Variants in EYS observed in about 807,000 individuals in gnomAD.
EYS encodes protein eyes shut homolog.
EYS carries 250 observed loss-of-function variants against 282.1 expected under a neutral mutation model. The ratio of observed to expected loss-of-function variants is 0.89; its 90% CI spans 0.80 to 0.98. The LOEUF (loss-of-function observed/expected upper bound fraction) is 0.98, where lower values mean the gene tolerates loss of function less well. Ranked by LOEUF, EYS falls within the 50% of genes least tolerant of loss-of-function variation. The pLI is 0.00. For missense variants in EYS, 4,016 were observed against 3,709.0 expected (o/e 1.08, Z -2.15); for synonymous variants, 1,355 against 1,282.9 (o/e 1.06, Z -1.20).
chr6:64,843,551 A>T (rs2643788), intron 19 of EYS, among the ~76,000 whole-genome samples: 107,861 of 152,102 alleles, frequency 0.71, 38,645 homozygotes, highest in Admixed American at 0.76. Context: ...GATTTTGGAC[A>T]TGCATGGTCC....
At chr6:65,183,620 G>T (rs1765445900) in intron 12 of EYS, among the ~76,000 whole-genome samples, 1 of 151,562 alleles carries the variant, frequency 6.6e-6, no homozygotes, top group African/African-American at 2.4e-5. Context: ...TATATTTCTT[G>T]TTTAATATTT....
chr6:64,496,923 T>A lies in EYS; in HGVS notation c.5645-57571A>T, dbSNP rs1582821564. Among the ~76,000 whole-genome samples, 4 of 152,112 alleles carry A rather than the reference T, an allele frequency of 2.6e-5. No homozygotes were observed. The East Asian group carries it at 7.7e-4, about 29-fold the overall frequency. On this transcript the variant is annotated intron_variant, in intron 26 of 42. Coordinates refer to ENST00000503581, the MANE Select transcript of EYS (RefSeq NM_001142800.2). ...TAATTTAGTTGTCTCCTGTTTGTTG[T>A]ATATTGTAAAGGATTTATGCCATAG...
chr6:65,637,971 G>A (rs148921809), intron 2 of EYS, among the ~76,000 whole-genome samples: 2,294 of 152,338 alleles, frequency 0.015, 20 homozygotes, highest in African/African-American at 0.023. Context: ...CCACCTTCAA[G>A]GCAGGGATGG....
intron 22 of EYS, among the ~76,000 whole-genome samples, chr6:64,774,360 G>A (rs1204850946): frequency 1.3e-5 from 2 of 151,912 alleles, no homozygotes; most frequent in Non-Finnish European, 2.9e-5. Flanking sequence ...AAAGGCTTGT[G>A]ATTGGTATTA....
chr6:64,939,906 T>A lies in EYS; in HGVS notation c.2381+5887A>T, dbSNP rs576609908. 5.9e-5 allele frequency among the ~76,000 whole-genome samples: 9 copies of A among 152,104 alleles called. No individual in the cohort carries two copies. In the South Asian group the frequency reaches 1.9e-3, roughly 32 times the overall value. The stretch of plus-strand genomic sequence containing the variant: ...GAGAGATCACAAAAACTAGGCTAAC[T>A]TATAATCATATCAAATAGAGACAAA... On this transcript the variant is annotated intron_variant, in intron 15 of 42. Coordinates refer to ENST00000503581, the MANE Select transcript of EYS (RefSeq NM_001142800.2).
At chr6:64,235,938 A>T (rs1313672657) in intron 30 of EYS, among the ~76,000 whole-genome samples, 1 of 152,178 alleles carries the variant, frequency 6.6e-6, no homozygotes, top group Non-Finnish European at 1.5e-5. Context: ...ATTCCCATCA[A>T]TAGGAAAAGA....
chr6:65,535,284 C>T (rs374424830), intron 2 of EYS, among the ~76,000 whole-genome samples: 1 of 152,154 alleles, frequency 6.6e-6, no homozygotes, highest in South Asian at 2.1e-4. Context: ...CAAATTTCAT[C>T]TTGAATTTTA....
intron 30 of EYS, among the ~76,000 whole-genome samples, chr6:64,290,115 C>A (rs1450783226): frequency 6.6e-6 from 1 of 152,108 alleles, no homozygotes; most frequent in Non-Finnish European, 1.5e-5. Context: ...TGACTTTGCA[C>A]TACGCAGCCA....
intron 2 of EYS, among the ~76,000 whole-genome samples, chr6:65,623,896 C>T (rs1273787135): frequency 6.6e-6 from 1 of 152,116 alleles, no homozygotes; most frequent in Non-Finnish European, 1.5e-5. Flanking sequence ...TGAACATAGG[C>T]TCATGTTGAG....
At chr6:65,143,225 C>A (rs7761810) in intron 12 of EYS, among the ~76,000 whole-genome samples, 18,271 of 151,472 alleles carry the variant, frequency 0.12, 1,438 homozygotes, top group African/African-American at 0.22. Flanking sequence ...CATAAAACAA[C>A]ATGGATATTC....
rs145963947 is a variant in EYS at position 65,568,146 on chromosome 6, C to T, written c.-333+71632G>A. On this transcript the variant is annotated intron_variant, in intron 2 of 42. Transcript: ENST00000503581. Reference sequence around the variant, plus strand: ...GACTGTCTCTGAGGATTATTTAAATCCCCAACTGAACTATTTACAAGTTAA... The same window carrying T: ...GACTGTCTCTGAGGATTATTTAAATTCCCAACTGAACTATTTACAAGTTAA... 9.1e-3 allele frequency among the ~76,000 whole-genome samples: 1,391 copies of T among 152,174 alleles called. 6 individuals are homozygous for T. The highest frequency in any genetic ancestry group is 0.015 in the Non-Finnish European group (1,037 of 67,998).
chr6:65,619,816 C>A (rs144135623), intron 2 of EYS, among the ~76,000 whole-genome samples: 7 of 141,424 alleles, frequency 4.9e-5, no homozygotes, highest in African/African-American at 1.7e-4. Flanking sequence ...GATAATCATG[C>A]GGTTTTTGTC....
At chr6:64,676,736 T>C (rs1769701667) in intron 22 of EYS, among the ~76,000 whole-genome samples, 1 of 152,102 alleles carries the variant, frequency 6.6e-6, no homozygotes, top group Non-Finnish European at 1.5e-5. Flanking sequence ...GCAGACTCAG[T>C]GTCTGGTGAG....
At chr6:64,080,393 T>C (rs555190577) in intron 32 of EYS, among the ~76,000 whole-genome samples, 1 of 152,324 alleles carries the variant, frequency 6.6e-6, no homozygotes, top group East Asian at 1.9e-4. Context: ...TTCACCCACT[T>C]GTTGATGGGG....
chr6:65,490,954 T>G lies in EYS; in HGVS notation c.749-247A>C, dbSNP rs74750809. 8.6e-3 allele frequency among the ~76,000 whole-genome samples: 1,302 copies of G among 152,242 alleles called. 20 individuals carry two copies. The highest frequency in any genetic ancestry group is 0.03 in the African/African-American group (1,230 of 41,554). On this transcript the variant is annotated intron_variant, in intron 4 of 42. Coordinates refer to ENST00000503581, the MANE Select transcript of EYS (RefSeq NM_001142800.2). ...TTTTCTGGCTTGTAGTATTTGAGCT[T>G]TATTTAATTTACATAATATTTTAAA...
chr6:64,381,145 G>A (rs972646984), intron 29 of EYS, among the ~76,000 whole-genome samples: 13 of 151,804 alleles, frequency 8.6e-5, no homozygotes, highest in African/African-American at 1.9e-4. Context: ...AAATGAACAC[G>A]CATGTTCTTT....
intron 19 of EYS, among the ~76,000 whole-genome samples, chr6:64,867,351 C>T (rs966890612): frequency 4.6e-5 from 7 of 151,680 alleles, no homozygotes; most frequent in Non-Finnish European, 7.4e-5. Context: ...TTTGTCCTGT[C>T]TTCTCAAGTG....
intron 1 of EYS, among the ~76,000 whole-genome samples, chr6:65,658,975 T>G (rs1477922123): frequency 6.6e-6 from 1 of 151,608 alleles, no homozygotes; most frequent in Admixed American, 6.6e-5. Context: ...TCTCACACTC[T>G]CCAGAATCTT....
chr6:64,602,731 A>C (rs1349235847), intron 24 of EYS, among the ~76,000 whole-genome samples: 1 of 152,088 alleles, frequency 6.6e-6, no homozygotes. Context: ...TTAAACATGC[A>C]TCAAGAAACA....
Sources: gnomAD v4.1 joint callset for allele counts (sites outside exome capture counted in the v4.1 genomes callset) on GRCh38, gnomAD v4.1.1 for gene constraint, MANE v1.5 for transcripts, NCBI Gene and HGNC (gene_info 2026-07-23, HGNC 2026-07-21) for gene names.